GFER: variants seen among roughly 807,000 people sequenced by gnomAD.
GFER encodes FAD-linked sulfhydryl oxidase ALR.
Under a neutral mutation model 18.2 loss-of-function variants are expected in GFER, and 24 were observed. The observed-to-expected ratio is 1.32, with a 90% confidence interval of 0.96 to 1.86. The LOEUF (loss-of-function observed/expected upper bound fraction) is 1.86. Among genes scored for constraint, GFER ranks in the 40% most tolerant of loss-of-function variants. The probability of loss-of-function intolerance (pLI) is 0.00; values close to 1 mark genes in which losing one functional copy is unlikely to be tolerated. For synonymous variants in GFER, 138 were observed against 126.9 expected (o/e 1.09, Z -0.59); for missense variants, 316 against 295.6 (o/e 1.07, Z -0.51).
chr16:1,984,822 A>T lies in GFER; in HGVS notation c.334A>T (p.Thr112Ser), dbSNP rs778201726. The change falls in exon 2 of 3, where the codon ACC (threonine) becomes TCC (serine). Residue 112 changes from threonine (T) to serine (S), a missense_variant. Transcript: ENST00000248114. The stretch of plus-strand genomic sequence containing the variant: ...CCGCCACAGCTGGGCTGTCCTCCAC[A>T]CCCTGGCCGCCTACTACCCCGACCT... ...LGRHSWAVLH[T>S]LAAYYPDLPT... 2 of 1,613,254 alleles carry T rather than the reference A, an allele frequency of 1.2e-6. No individual in the cohort carries two copies. The highest frequency in any genetic ancestry group is 1.7e-6 in the Non-Finnish European group (2 of 1,179,886).
intron 2 of GFER, among the ~76,000 whole-genome samples, chr16:1,985,524 A>G (rs1001685389): frequency 6.6e-6 from 1 of 152,222 alleles, no homozygotes; most frequent in African/African-American, 2.4e-5. Flanking sequence ...AGCCCCACCC[A>G]GGCCACACTC....
chr16:1,984,543 C>G, intron 1 of GFER, 67 bp downstream of exon 1: 1 of 1,511,198 alleles, frequency 6.6e-7, no homozygotes, highest in Non-Finnish European at 8.9e-7. Context: ...CCCAGGTACC[C>G]CGGCAGAGCT....
intron 2 of GFER, 35 bp from the exon 3 acceptor site, chr16:1,985,831 C>T (rs373704476): frequency 9.4e-6 from 15 of 1,595,296 alleles, no homozygotes; most frequent in Admixed American, 3.3e-5. Context: ...GGAGCCGCTG[C>T]GTCCTCTCAT....
Position 1,984,407 on chromosome 16 carries a change from G to C in GFER, c.189G>C (p.Glu63Asp), listed in dbSNP as rs375792737. Residue 63 changes from glutamate to aspartate, a missense_variant, in exon 1 of 3, where the codon GAG becomes GAC. Transcript: ENST00000248114. ...CGACCTCCGATTCTCCTGTCGCCGAGGACGCCTCCCGGAGGCGGCCGTGCC... is the reference window on the plus strand; with the variant it reads ...CGACCTCCGATTCTCCTGTCGCCGACGACGCCTCCCGGAGGCGGCCGTGCC... Reference protein sequence around the residue: ...QAPTSDSPVAEDASRRRPCRA... With the variant: ...QAPTSDSPVADDASRRRPCRA... The C allele has an allele frequency of 2.0e-3, 3,126 of 1,539,660 alleles. 10 individuals are homozygous for C. Among genetic ancestry groups the C allele is most frequent in the Non-Finnish European group, 2.6e-3 (2,952 of 1,146,714 alleles).
At chr16:1,985,112 C>G (rs1239413486) in intron 2 of GFER, 169 bp downstream of exon 2, 2 of 673,342 alleles carry the variant, frequency 3.0e-6, no homozygotes, top group Admixed American at 4.2e-5. Flanking sequence ...GCCTCCTCCT[C>G]TCGTCTCAGA....
In GFER at chr16:1,986,340, C is replaced by G. The variant is rs996197837; in HGVS notation, c.*312C>G. The G allele has an allele frequency of 9.7e-5, 40 of 410,672 alleles. No individual in the cohort carries two copies. The highest frequency in any genetic ancestry group is 7.9e-4 in the Middle Eastern group (1 of 1,258). 25.4% of individuals were successfully genotyped at this position (410,672 alleles called of 1,614,324 possible). A position where few individuals can be genotyped will look rare whatever the true frequency, so the allele number is the denominator to read the frequency against. ...TGTAGCTTCCTGCCCACCGCATACC[C>G]TGGCGCCTCACTCCTCACACGGGAA... On this transcript the variant is annotated 3_prime_UTR_variant, in exon 3 of 3. Transcript: ENST00000248114.
rs863224028 is a variant in GFER at position 1,984,414 on chromosome 16, TC to T, written c.199del (p.Arg67GlyfsTer83). ...CGATTCTCCTGTCGCCGAGGACGCC[TC>T]CCGGAGGCGGCCGTGCCGGGCCTGC... ...TSDSPVAEDA[S>X]RRRPCRACVD... On this transcript the variant is annotated frameshift_variant, in exon 1 of 3. Transcript: ENST00000248114. LOFTEE classifies it high-confidence loss of function. The T allele has an allele frequency of 2.4e-4, 375 of 1,541,718 alleles. No individual in the cohort carries two copies. The highest frequency in any genetic ancestry group is 3.2e-4 in the Non-Finnish European group (370 of 1,147,676).
chr16:1,984,635 C>G, intron 1 of GFER, 112 bp from the exon 2 acceptor site: 1 of 1,372,714 alleles, frequency 7.3e-7, no homozygotes, highest in Non-Finnish European at 1.0e-6. Flanking sequence ...GTTGGATCGT[C>G]TGCAGGACTT....
Position 1,984,754 on chromosome 16 carries a change from C to T in GFER, c.266C>T (p.Thr89Ile), listed in dbSNP as rs1398481343. 1 of 1,608,608 alleles carries T rather than the reference C, an allele frequency of 6.2e-7. No individual in the cohort carries two copies. The highest frequency in any genetic ancestry group is 8.5e-7 in the Non-Finnish European group (1 of 1,179,844). The change falls in exon 2 of 3, where the codon ACC becomes ATC. Residue 89 changes from threonine (T) to isoleucine (I), a missense_variant. Physicochemically the swap from Thr to Ile is moderately conservative, Grantham distance 89. Coordinates refer to ENST00000248114, the MANE Select transcript of GFER (RefSeq NM_005262.3). ...TWMRTQQKRD[T>I]KFREDCPPDR... is the part of the protein sequence containing the mutation. ...GTCGGCCTGCTTCCGCAGCGGGACA[C>T]CAAGTTTAGGGAGGACTGCCCGCCG...
In GFER at chr16:1,984,454, C is replaced by A. The variant is rs773323504; in HGVS notation, c.236C>A (p.Thr79Lys). 32 of 1,557,482 alleles carry A rather than the reference C, an allele frequency of 2.1e-5. No individual in the cohort carries two copies. In the East Asian group the frequency reaches 3.3e-4, roughly 16 times the overall value. Residue 79 changes from threonine (T) to lysine (K), a missense_variant, in exon 1 of 3, where the codon ACG (threonine) becomes AAG (lysine). Physicochemically the swap from Thr to Lys is moderately conservative, Grantham distance 78. Coordinates refer to ENST00000248114, the MANE Select transcript of GFER (RefSeq NM_005262.3). ...RPCRACVDFK[T>K]WMRTQQKRDT... ...TGCCGGGCCTGCGTCGACTTCAAGA[C>A]GTGGATGCGGACGCAGCAGAAGGTG...
At position 1,986,087 on chromosome 16, in the gene GFER, G is replaced by A. The variant is rs2083566255; in HGVS notation, c.*59G>A. On this transcript the variant is annotated 3_prime_UTR_variant, in exon 3 of 3. Transcript: ENST00000248114. ...CCAGGCATGGTTGGATAGGGGCAGG[G>A]CACTCATTAAAGTGCATCACAGCCA... 3 of 1,552,720 alleles carry A rather than the reference G, an allele frequency of 1.9e-6. No individual in the cohort carries two copies. The highest frequency in any genetic ancestry group is 2.7e-6 in the Non-Finnish European group (3 of 1,131,240).
chr16:1,985,075 C>A, intron 2 of GFER, 132 bp downstream of exon 2: 1 of 743,926 alleles, frequency 1.3e-6, no homozygotes, highest in Non-Finnish European at 2.4e-6. Context: ...CAGGGACCTC[C>A]AACAGGTGAG....
At chr16:1,984,498 CTCCCAGCCCCGCGCAGCCCCTG>C in intron 1 of GFER, 22 bp downstream of exon 1, 1 of 1,553,044 alleles carries the variant, frequency 6.4e-7, no homozygotes, top group Admixed American at 1.9e-5. Context: ...TGCCCGATTT[CTCCCAGCCCCGCGCAGCCCCTG>C]TCCCCGCCCC....
At chr16:1,985,035 A>G in intron 2 of GFER, 92 bp downstream of exon 2, 1 of 1,029,286 alleles carries the variant, frequency 9.7e-7, no homozygotes, top group Middle Eastern at 2.5e-4. Context: ...AGAGAAACGG[A>G]TGCAGAGGTG....
In GFER at chr16:1,984,489, G is replaced by GCCCGATTT; in HGVS notation, c.258+15_258+22dup. The GCCCGATTT allele has an allele frequency of 1.9e-6, 3 of 1,556,434 alleles. No individual in the cohort carries two copies. Among genetic ancestry groups the GCCCGATTT allele is most frequent in the Non-Finnish European group, 2.6e-6 (3 of 1,155,626 alleles). The stretch of plus-strand genomic sequence containing the variant: ...GACGCAGCAGAAGGTGCAGTTCCCT[G>GCCCGATTT]CCCGATTTCTCCCAGCCCCGCGCAG... On this transcript the variant is annotated intron_variant, in intron 1 of 2. Transcript: ENST00000248114.
At position 1,984,824 on chromosome 16, in the gene GFER, C is replaced by A. The variant is rs1402014708; in HGVS notation, c.336C>A (p.Thr112=). The A allele has an allele frequency of 6.2e-7, 1 of 1,613,400 alleles. No individual in the cohort carries two copies. The highest frequency in any genetic ancestry group is 8.5e-7 in the Non-Finnish European group (1 of 1,179,858). The part of the protein sequence containing the change: ...LGRHSWAVLH[T]LAAYYPDLPT... Reference sequence around the variant, plus strand: ...GCCACAGCTGGGCTGTCCTCCACACCCTGGCCGCCTACTACCCCGACCTGC... The same window carrying A: ...GCCACAGCTGGGCTGTCCTCCACACACTGGCCGCCTACTACCCCGACCTGC... Residue 112 remains threonine (T), a synonymous_variant, in exon 2 of 3, where the codon ACC becomes ACA. Coordinates refer to ENST00000248114, the MANE Select transcript of GFER (RefSeq NM_005262.3).
chr16:1,984,849 C>A lies in GFER; in HGVS notation c.361C>A (p.Pro121Thr). Residue 121 changes from proline to threonine, a missense_variant, in exon 2 of 3, where the codon CCC becomes ACC. Physicochemically the swap from Pro to Thr is conservative, Grantham distance 38. Transcript: ENST00000248114. ...CCTGGCCGCCTACTACCCCGACCTG[C>A]CCACCCCAGAACAGCAGCAAGACAT... ...HTLAAYYPDLPTPEQQQDMAQ... is the reference protein window; with the variant it reads ...HTLAAYYPDLTTPEQQQDMAQ... 1 of 1,613,500 alleles carries A rather than the reference C, an allele frequency of 6.2e-7. No homozygotes were observed. Among genetic ancestry groups the A allele is most frequent in the Non-Finnish European group, 8.5e-7 (1 of 1,179,750 alleles).
At chr16:1,984,985 T>A in intron 2 of GFER, 42 bp downstream of exon 2, 2 of 1,446,452 alleles carry the variant, frequency 1.4e-6, no homozygotes, top group Non-Finnish European at 1.9e-6. Context: ...CACTGGAGCC[T>A]GGGCCTGGGG....
chr16:1,984,747 C>G lies in GFER; in HGVS notation c.259C>G (p.Arg87Gly). 1.9e-6 allele frequency: 3 copies of G among 1,606,974 alleles called. No individual in the cohort carries two copies. Among genetic ancestry groups the G allele is most frequent in the Non-Finnish European group, 2.5e-6 (3 of 1,179,542 alleles). ...ACTCTCGGTCGGCCTGCTTCCGCAG[C>G]GGGACACCAAGTTTAGGGAGGACTG... ...FKTWMRTQQK[R>G]DTKFREDCPP... Residue 87 changes from arginine to glycine, a missense_variant and splice_region_variant, in exon 2 of 3, where the codon CGG becomes GGG. By Grantham distance (125) the Arg-to-Gly change is moderately radical (BLOSUM62 -2). Coordinates refer to ENST00000248114, the MANE Select transcript of GFER (RefSeq NM_005262.3).
Sources: allele counts gnomAD v4.1 joint callset (sites outside exome capture counted in the v4.1 genomes callset), GRCh38; gene constraint gnomAD v4.1.1; transcripts MANE v1.5; gene names NCBI Gene and HGNC (gene_info 2026-07-23, HGNC 2026-07-21).